Variants in CDKL3 observed in about 807,000 individuals in gnomAD.
The protein encoded by CDKL3 is cyclin dependent kinase like 3.
CDKL3 carries 65 observed loss-of-function variants against 69.3 expected under a neutral mutation model. The ratio of observed to expected loss-of-function variants is 0.94; its 90% CI spans 0.77 to 1.15. The LOEUF (loss-of-function observed/expected upper bound fraction) is 1.15. Among genes scored for constraint, CDKL3 ranks in the 50% most tolerant of loss-of-function variants. The pLI is 0.00. For missense variants in CDKL3, 652 were observed against 689.2 expected (o/e 0.95, Z 0.61); for synonymous variants, 202 against 221.6 (o/e 0.91, Z 0.79).
At chr5:134,355,054 A>G (rs1754238281) in intron 3 of CDKL3, among the ~76,000 whole-genome samples, 1 of 151,714 alleles carries the variant, frequency 6.6e-6, no homozygotes, top group African/African-American at 2.4e-5. Flanking sequence ...CAGGAGTTTG[A>G]GACAAGCCTG....
rs1469693503 is a variant in CDKL3 at position 134,308,149 on chromosome 5, G to T, written c.1353C>A (p.His451Gln). ...CTGTTACAGCTCACCTCACACTGGG[G>T]TGAAAGAGATTTGAACTGAGATTTG... ...MAANLSSNLF[H>Q]PSVRLTERAK... Residue 451 changes from histidine (H) to glutamine (Q), a missense_variant, in exon 9 of 13, where the codon CAC (histidine) becomes CAA (glutamine). His to Gln is a conservative substitution (Grantham distance 24). Coordinates refer to ENST00000265334, the MANE Select transcript of CDKL3 (RefSeq NM_001113575.2). The T allele has an allele frequency of 1.2e-6, 2 of 1,611,618 alleles. No homozygotes were observed. The highest frequency in any genetic ancestry group is 2.2e-5 in the South Asian group (2 of 90,754).
Position 134,366,446 on chromosome 5 carries a change from A to C in CDKL3, c.78T>G (p.Thr26=). ...GTVMKCKHKN[T]GQIVAIKIFY... ...ATATCTTAATGGCCACTATCTGCCC[A>C]GTATTCTTATGTTTACATTTCATGA... Residue 26 remains threonine (T), a synonymous_variant, in exon 2 of 13, where the codon ACT becomes ACG. Coordinates refer to ENST00000265334, the MANE Select transcript of CDKL3 (RefSeq NM_001113575.2). The C allele has an allele frequency of 6.2e-7, 1 of 1,608,512 alleles. No homozygotes were observed. Among genetic ancestry groups the C allele is most frequent in the Non-Finnish European group, 8.5e-7 (1 of 1,177,322 alleles).
chr5:134,347,598 G>T (rs761779741), intron 4 of CDKL3, among the ~76,000 whole-genome samples: 1 of 151,234 alleles, frequency 6.6e-6, no homozygotes, highest in African/African-American at 2.4e-5. Flanking sequence ...GGCTGGGCAC[G>T]GTGGCTCATG....
rs537054496 is a variant in CDKL3, at chr5:134,362,792, G to A, written c.166-2701C>T. ...AAAAATACAAAAATTAGCTGGGCGT[G>A]GTCGTACGTGCCTGTAATCCCAGCT... On this transcript the variant is annotated intron_variant, in intron 2 of 12. Transcript: ENST00000265334. Among the ~76,000 whole-genome samples the A allele has an allele frequency of 4.8e-4, 73 of 152,090 alleles. 1 individual carries two copies. Among genetic ancestry groups the A allele is most frequent in the South Asian group, 1.0e-3 (5 of 4,826 alleles).
Position 134,319,403 on chromosome 5 carries a change from T to G in CDKL3, c.747A>C (p.Arg249Ser), listed in dbSNP as rs1368558379. 1 of 1,538,786 alleles carries G rather than the reference T, an allele frequency of 6.5e-7. No individual in the cohort carries two copies. Among genetic ancestry groups the G allele is most frequent in the African/African-American group, 1.4e-5 (1 of 71,910 alleles). ...LPQVQHPKNARKKYPKLNGLL... is the reference protein window; with the variant it reads ...LPQVQHPKNASKKYPKLNGLL... ...ATCCATTAAGCTTTGGATATTTTTT[T>G]CTTGCATTTTTGGGGTGTTGAACTT... Residue 249 changes from arginine (R) to serine (S), a missense_variant, in exon 6 of 13, where the codon AGA (arginine) becomes AGC (serine). Physicochemically the swap from Arg to Ser is moderately radical, Grantham distance 110. Transcript: ENST00000265334.
At chr5:134,291,129 C>A (rs181653068) in intron 8 of CDKL3, among the ~76,000 whole-genome samples, 2 of 152,098 alleles carry the variant, frequency 1.3e-5, no homozygotes, top group African/African-American at 4.8e-5. Context: ...TTACCCTTAA[C>A]TAACATGCAG....
downstream of CDKL3, among the ~76,000 whole-genome samples, chr5:134,285,076 T>C (rs1289335850): frequency 6.6e-6 from 1 of 152,190 alleles, no homozygotes; most frequent in Non-Finnish European, 1.5e-5. Flanking sequence ...ATCTTCACAA[T>C]TTATGTTCTT....
intron 6 of CDKL3, among the ~76,000 whole-genome samples, chr5:134,314,266 G>T (rs928785869): frequency 1.3e-5 from 2 of 152,116 alleles, no homozygotes; most frequent in Admixed American, 1.3e-4. Flanking sequence ...ATGCTAAAAG[G>T]TCTGACCAAA....
chr5:134,306,974 C>G (rs140468671), intron 9 of CDKL3, among the ~76,000 whole-genome samples: 6 of 152,000 alleles, frequency 3.9e-5, no homozygotes, highest in Non-Finnish European at 8.8e-5. Flanking sequence ...AGGCTGGTCT[C>G]GAACTCCTGA....
chr5:134,311,773 G>A (rs1769592147), intron 7 of CDKL3, among the ~76,000 whole-genome samples: 1 of 152,052 alleles, frequency 6.6e-6, no homozygotes, highest in South Asian at 2.1e-4. Context: ...AATGTTAGTT[G>A]CAATTACTTT....
downstream of CDKL3, among the ~76,000 whole-genome samples, chr5:134,293,562 G>A (rs776078119): frequency 1.3e-5 from 2 of 152,112 alleles, no homozygotes; most frequent in Non-Finnish European, 2.9e-5. Context: ...TTGGAAGGCC[G>A]AGGTGGGAGG....
At chr5:134,358,294 T>A (rs1022520452) in intron 3 of CDKL3, among the ~76,000 whole-genome samples, 6 of 152,190 alleles carry the variant, frequency 3.9e-5, no homozygotes, top group Non-Finnish European at 7.4e-5. Context: ...ATTTTCACAA[T>A]GGTACCCCAC....
rs1315838612 is a variant in CDKL3 at position 134,360,025 on chromosome 5, C to T, written c.232G>A (p.Val78Ile). 1.3e-6 allele frequency: 2 copies of T among 1,555,424 alleles called. No individual in the cohort carries two copies. The highest frequency in any genetic ancestry group is 1.2e-5 in the South Asian group (1 of 83,884). The change falls in exon 3 of 13, where the codon GTA becomes ATA. Residue 78 changes from valine (V) to isoleucine (I), a missense_variant. By Grantham distance (29) the Val-to-Ile change is conservative. Coordinates refer to ENST00000265334, the MANE Select transcript of CDKL3 (RefSeq NM_001113575.2). ...VFRQKKKIHL[V>I]FEFIDHTVLD... ...ACTGTGTGGTCAATAAATTCAAATA[C>T]CAAATGAATTTTCTTTTTCTGTCTA...
chr5:134,337,355 C>T (rs927253763), intron 4 of CDKL3, among the ~76,000 whole-genome samples: 6 of 152,160 alleles, frequency 3.9e-5, no homozygotes, highest in South Asian at 2.1e-4. Flanking sequence ...CTCTGTGGGC[C>T]GTACCCACTG....
At chr5:134,313,897 G>C (rs994176309) in intron 6 of CDKL3, among the ~76,000 whole-genome samples, 3 of 151,938 alleles carry the variant, frequency 2.0e-5, no homozygotes, top group African/African-American at 7.3e-5. Flanking sequence ...CAGCACTTTG[G>C]GGGGCAACAG....
intron 8 of CDKL3, among the ~76,000 whole-genome samples, chr5:134,293,381 AGGAAAT>A (rs946170890): frequency 3.3e-5 from 5 of 152,106 alleles, no homozygotes; most frequent in African/African-American, 1.2e-4. Flanking sequence ...ACACAAATTC[AGGAAAT>A]GGGGGAGTGC....
upstream of CDKL3, among the ~76,000 whole-genome samples, chr5:134,369,023 T>C (rs1758043249): frequency 1.3e-5 from 2 of 152,112 alleles, no homozygotes; most frequent in South Asian, 2.1e-4. Context: ...CAAAACTCTG[T>C]CTCAAAAAAT....
chr5:134,300,092 A>C (rs1427736803), intron 12 of CDKL3, among the ~76,000 whole-genome samples: 1 of 152,158 alleles, frequency 6.6e-6, no homozygotes, highest in Non-Finnish European at 1.5e-5. Flanking sequence ...TAATCCCAGC[A>C]CTTTGGGAGG....
intron 8 of CDKL3, among the ~76,000 whole-genome samples, chr5:134,288,539 G>T (rs1039960575): frequency 6.6e-6 from 1 of 152,130 alleles, no homozygotes; most frequent in Admixed American, 6.6e-5. Context: ...AGATACCCTA[G>T]GAGTTTCACA....
Sources: gnomAD v4.1 joint callset for allele counts (sites outside exome capture counted in the v4.1 genomes callset) on GRCh38, gnomAD v4.1.1 for gene constraint, MANE v1.5 for transcripts, NCBI Gene and HGNC (gene_info 2026-07-23, HGNC 2026-07-21) for gene names.